The following CMTR1 variants were observed in gnomAD, a reference collection of about 807,000 sequenced individuals.
CMTR1 encodes the protein cap methyltransferase 1, also known as cap-specific mRNA (nucleoside-2'-O-)-methyltransferase 1.
In CMTR1, 39 loss-of-function variants were observed where a neutral mutation model predicts 107.0. That is an observed-to-expected ratio of 0.36 (90% CI 0.28 to 0.48). The LOEUF (loss-of-function observed/expected upper bound fraction) is 0.48. CMTR1 is among the 20% of genes least tolerant of loss of function. The pLI is 0.99. For missense variants in CMTR1, 672 were observed against 1,064.9 expected, an observed-to-expected ratio of 0.63 and a Z score of 5.14; for synonymous variants, 366 against 379.5, an observed-to-expected ratio of 0.96 and a Z score of 0.41.
intron 21 of CMTR1, among the ~76,000 whole-genome samples, chr6:37,478,207 C>T (rs950278272): frequency 3.9e-5 from 6 of 152,152 alleles, no homozygotes; most frequent in African/African-American, 1.2e-4. Flanking sequence ...ATTTGTTACT[C>T]CCCTGCCTCC....
In CMTR1 at chr6:37,474,424, A is replaced by G. The variant is rs888603357; in HGVS notation, c.1822-100A>G. 9 of 1,370,994 alleles carry G rather than the reference A, an allele frequency of 6.6e-6. No homozygotes were observed. In the Middle Eastern group the frequency reaches 7.3e-4, roughly 112 times the overall value. The allele number at this position is 1,370,994 out of a possible 1,614,324, so 84.9% of individuals were successfully genotyped here. Reference sequence around the variant, plus strand: ...TTTTCTTCTGACATTTCCCAGTCCCATCAGTTTGTAGCTGCCAACTAAAAG... The same window carrying G: ...TTTTCTTCTGACATTTCCCAGTCCCGTCAGTTTGTAGCTGCCAACTAAAAG... On this transcript the variant is annotated intron_variant, in intron 17 of 23. Coordinates refer to ENST00000373451, the MANE Select transcript of CMTR1 (RefSeq NM_015050.3).
chr6:37,456,636 A>G (rs1227684170), intron 8 of CMTR1, among the ~76,000 whole-genome samples: 1 of 152,196 alleles, frequency 6.6e-6, no homozygotes, highest in African/African-American at 2.4e-5. Context: ...ACCAGCACTC[A>G]GCCATGCCGA....
At chr6:37,440,347 A>G (rs767689325) in intron 2 of CMTR1, among the ~76,000 whole-genome samples, 8 of 152,190 alleles carry the variant, frequency 5.3e-5, no homozygotes, top group Admixed American at 1.3e-4. Flanking sequence ...AGCCGTGACA[A>G]TTGTCTCCCT....
intron 13 of CMTR1, among the ~76,000 whole-genome samples, chr6:37,468,341 A>G (rs1761550709): frequency 6.6e-6 from 1 of 152,028 alleles, no homozygotes; most frequent in Non-Finnish European, 1.5e-5. Context: ...TCTACTTTAT[A>G]TTGTTACTAT....
rs772586129 is a variant in CMTR1 at position 37,446,419 on chromosome 6, G to A, written c.414G>A (p.Glu138=). ...LGLTLRGFDQ[E]LNVDWRDEPE... is the part of the protein sequence containing the mutation. Reference sequence around the variant, plus strand: ...TGACACTCCGGGGCTTTGACCAGGAGCTGAACGTGGACTGGCGAGATGAGC... The same window carrying A: ...TGACACTCCGGGGCTTTGACCAGGAACTGAACGTGGACTGGCGAGATGAGC... The change falls in exon 4 of 24, where the codon GAG becomes GAA. Residue 138 remains glutamate, a synonymous_variant. Transcript: ENST00000373451. 1 of 1,613,932 alleles carries A rather than the reference G, an allele frequency of 6.2e-7. No homozygotes were observed. Among genetic ancestry groups the A allele is most frequent in the Non-Finnish European group, 8.5e-7 (1 of 1,180,012 alleles).
At chr6:37,462,228 G>C in intron 12 of CMTR1, 126 bp downstream of exon 12, 1 of 1,104,572 alleles carries the variant, frequency 9.1e-7, no homozygotes, top group Non-Finnish European at 1.3e-6. Flanking sequence ...GAAGTGATGA[G>C]AGCCAACAGG....
chr6:37,471,697 A>G (rs1761630673), intron 14 of CMTR1, 150 bp from the exon 15 acceptor site: 1 of 599,512 alleles, frequency 1.7e-6, no homozygotes, highest in Non-Finnish European at 2.9e-6. Context: ...ATGTGTTGTA[A>G]TCACGCTGGG....
chr6:37,444,282 CAG>C, intron 3 of CMTR1, 132 bp downstream of exon 3: 2 of 1,076,412 alleles, frequency 1.9e-6, no homozygotes, highest in South Asian at 3.2e-5. Context: ...TGAAATTTAG[CAG>C]AGTGTGACCC....
chr6:37,470,132 T>TAG (rs1761592223), intron 13 of CMTR1, among the ~76,000 whole-genome samples: 5 of 152,112 alleles, frequency 3.3e-5, no homozygotes, highest in Admixed American at 2.6e-4. Context: ...ATCTTCACCT[T>TAG]TTTATATATG....
chr6:37,428,137 G>GT, the CMTR1 span, among the ~76,000 whole-genome samples: 4 of 152,000 alleles, frequency 2.6e-5, no homozygotes, highest in African/African-American at 9.7e-5. Context: ...AGTAAATAAT[G>GT]TGTGTATTCA....
chr6:37,428,034 GAGAGAGAGA>G, the CMTR1 span, among the ~76,000 whole-genome samples: 7 of 151,290 alleles, frequency 4.6e-5, no homozygotes, highest in Non-Finnish European at 8.8e-5. Context: ...GAGAGAGAGA[GAGAGAGAGA>G]GAGAGAGAGA....
chr6:37,477,681 G>C (rs781590196), intron 21 of CMTR1, 42 bp downstream of exon 21: 8 of 1,478,634 alleles, frequency 5.4e-6, no homozygotes, highest in Non-Finnish European at 7.5e-6. Context: ...AAGAGGAGGT[G>C]GGGGTGCGGC....
chr6:37,459,535 T>G, intron 9 of CMTR1, 31 bp from the exon 10 acceptor site: 7 of 1,583,640 alleles, frequency 4.4e-6, no homozygotes, highest in Middle Eastern at 1.7e-4. Flanking sequence ...ATAGGGCAGA[T>G]GAACTCACTA....
chr6:37,448,599 A>G (rs2113870531), intron 4 of CMTR1, among the ~76,000 whole-genome samples: 1 of 152,298 alleles, frequency 6.6e-6, no homozygotes, highest in South Asian at 2.1e-4. Flanking sequence ...TTTTCTTTTC[A>G]ACTTTGTCTC....
Position 37,441,281 on chromosome 6 carries a change from G to A in CMTR1, c.134-2718G>A, listed in dbSNP as rs149765188. On this transcript the variant is annotated intron_variant, in intron 2 of 23. Transcript: ENST00000373451. Reference sequence around the variant, plus strand: ...GAGAATAGATGAGAGGCCCTAGAACGGTCTTGAGCCATTTAGAAGGCCTTT... The same window carrying A: ...GAGAATAGATGAGAGGCCCTAGAACAGTCTTGAGCCATTTAGAAGGCCTTT... Among the ~76,000 whole-genome samples the A allele has an allele frequency of 4.3e-3, 654 of 152,258 alleles. 5 individuals carry two copies. Among genetic ancestry groups the A allele is most frequent in the African/African-American group, 0.014 (578 of 41,558 alleles).
At chr6:37,456,635 C>T (rs1006790226) in intron 8 of CMTR1, among the ~76,000 whole-genome samples, 1 of 152,212 alleles carries the variant, frequency 6.6e-6, no homozygotes, top group Non-Finnish European at 1.5e-5. Flanking sequence ...GACCAGCACT[C>T]AGCCATGCCG....
chr6:37,476,253 C>A, intron 20 of CMTR1, 59 bp downstream of exon 20: 1 of 1,564,188 alleles, frequency 6.4e-7, no homozygotes, highest in Non-Finnish European at 8.8e-7. Flanking sequence ...CTGCTCCCGT[C>A]CAGTGAGGGA....
chr6:37,453,341 A>T lies in CMTR1; in HGVS notation c.777+29A>T, dbSNP rs774147747. 16 of 1,603,384 alleles carry T rather than the reference A, an allele frequency of 1.0e-5. No homozygotes were observed. The South Asian group carries it at 1.7e-4, about 17-fold the overall frequency. On this transcript the variant is annotated intron_variant, in intron 8 of 23. Coordinates refer to ENST00000373451, the MANE Select transcript of CMTR1 (RefSeq NM_015050.3). ...AGAACAAGATTCTGCTTCTGAATTC[A>T]TGGTGCTAAGAGGGCTTAAGTTTCA...
intron 17 of CMTR1, 55 bp downstream of exon 17, chr6:37,473,656 G>A (rs889571918): frequency 3.7e-5 from 58 of 1,585,142 alleles, no homozygotes; most frequent in East Asian, 2.7e-4. Context: ...TGCCCTTTGC[G>A]GAATCTGGAC....
Sources: gnomAD v4.1 joint callset for allele counts (sites outside exome capture counted in the v4.1 genomes callset) on GRCh38, gnomAD v4.1.1 for gene constraint, MANE v1.5 for transcripts, NCBI Gene and HGNC (gene_info 2026-07-23, HGNC 2026-07-21) for gene names.